GABRG3: variants seen among roughly 807,000 people sequenced by gnomAD.
The protein encoded by GABRG3 is gamma-aminobutyric acid receptor subunit gamma-3.
In GABRG3, 25 loss-of-function variants were observed where a neutral mutation model predicts 48.8. The observed-to-expected ratio is 0.51, with a 90% CI of 0.37 to 0.72. GABRG3 has a LOEUF of 0.72. Ranked by LOEUF, GABRG3 falls within the 30% of genes least tolerant of loss-of-function variation. The pLI, the probability that GABRG3 is intolerant of heterozygous loss-of-function variation, is 0.00. For synonymous variants in GABRG3, 227 were observed against 217.6 expected, an observed-to-expected ratio of 1.04 and a Z score of -0.38; for missense variants, 394 against 577.9, an observed-to-expected ratio of 0.68 and a Z score of 3.26.
intron 5 of GABRG3, among the ~76,000 whole-genome samples, chr15:27,400,329 T>G (rs1355236903): frequency 3.3e-5 from 5 of 152,244 alleles, no homozygotes; most frequent in African/African-American, 1.2e-4. Flanking sequence ...GCAAGATACC[T>G]CACATTTTGT....
intron 3 of GABRG3, among the ~76,000 whole-genome samples, chr15:27,049,662 T>G (rs531632916): frequency 3.7e-4 from 57 of 152,216 alleles, no homozygotes; most frequent in Non-Finnish European, 7.3e-4. Flanking sequence ...TAAAAACACC[T>G]ATCAAATATA....
rs1374716290 is a variant in GABRG3 at position 27,495,589 on chromosome 15, TCTC to T, written c.712+14806_712+14808del. Among the ~76,000 whole-genome samples, 2 of 152,228 alleles carry T rather than the reference TCTC, an allele frequency of 1.3e-5. 1 individual carries two copies. The highest frequency in any genetic ancestry group is 2.9e-5 in the Non-Finnish European group (2 of 68,034). On this transcript the variant is annotated intron_variant, in intron 6 of 9. Transcript: ENST00000615808. ...TCTGTTGTATAATTCTTTCCACTGA[TCTC>T]CTCTGTGTTCTGAGGAGAACACAAT...
At chr15:27,320,931 C>T (rs1433583026) in intron 3 of GABRG3, among the ~76,000 whole-genome samples, 2 of 152,178 alleles carry the variant, frequency 1.3e-5, no homozygotes, top group Non-Finnish European at 2.9e-5. Context: ...ACTGACATGG[C>T]CTCCTCAGGG....
At chr15:27,138,374 A>ATT (rs1455557737) in intron 3 of GABRG3, among the ~76,000 whole-genome samples, 6 of 152,200 alleles carry the variant, frequency 3.9e-5, no homozygotes, top group African/African-American at 1.4e-4. Flanking sequence ...CTGTACTATA[A>ATT]TATATAGCCC....
intron 3 of GABRG3, among the ~76,000 whole-genome samples, chr15:27,125,417 G>A (rs1897803504): frequency 6.6e-6 from 1 of 152,178 alleles, no homozygotes; most frequent in South Asian, 2.1e-4. Context: ...ATAGGAATGA[G>A]TGCTGCAGGG....
intron 5 of GABRG3, among the ~76,000 whole-genome samples, chr15:27,479,022 G>T (rs1890030476): frequency 6.6e-6 from 1 of 152,084 alleles, no homozygotes; most frequent in African/African-American, 2.4e-5. Context: ...GCAGGAAAGG[G>T]GGGAAAAGGG....
chr15:27,529,731 G>C (rs911497415), intron 9 of GABRG3, among the ~76,000 whole-genome samples: 1 of 152,032 alleles, frequency 6.6e-6, no homozygotes, highest in East Asian at 1.9e-4. Flanking sequence ...AGAGGGGAGA[G>C]GGGAAGGGTG....
chr15:27,350,379 T>A, intron 5 of GABRG3: 1 of 317,414 alleles, frequency 3.2e-6, no homozygotes, highest in Non-Finnish European at 6.3e-6. Flanking sequence ...AACCATTGAA[T>A]TAAAAGTTCA....
At chr15:27,278,353 G>C (rs897723490) in intron 3 of GABRG3, among the ~76,000 whole-genome samples, 4 of 151,978 alleles carry the variant, frequency 2.6e-5, no homozygotes, top group African/African-American at 7.2e-5. Context: ...CCTGGCCTCG[G>C]TGCATTTTTA....
chr15:27,415,983 C>T (rs919274434), intron 5 of GABRG3, among the ~76,000 whole-genome samples: 1 of 152,180 alleles, frequency 6.6e-6, no homozygotes, highest in African/African-American at 2.4e-5. Context: ...CATACCCCCC[C>T]TCTTTCTAGC....
chr15:27,253,469 A>C (rs1345837694), intron 3 of GABRG3, among the ~76,000 whole-genome samples: 15 of 152,154 alleles, frequency 9.9e-5, no homozygotes, highest in Admixed American at 9.8e-4. Context: ...TGGCTTTGAG[A>C]ATCTGACTGC....
intron 3 of GABRG3, among the ~76,000 whole-genome samples, chr15:27,219,581 C>T (rs1363972896): frequency 6.6e-6 from 1 of 152,172 alleles, no homozygotes; most frequent in Non-Finnish European, 1.5e-5. Flanking sequence ...ACCCCTCTGT[C>T]CACACCCTCC....
chr15:27,109,916 TAAA>T (rs34429305), intron 3 of GABRG3, among the ~76,000 whole-genome samples: 1 of 151,956 alleles, frequency 6.6e-6, no homozygotes, highest in Non-Finnish European at 1.5e-5. Context: ...ATGGTTTTCT[TAAA>T]AACAGCATTT....
chr15:27,420,848 G>GT, intron 5 of GABRG3: 1 of 152,274 alleles, frequency 6.6e-6, no homozygotes, highest in East Asian at 1.9e-4. Context: ...AATAAAAGTA[G>GT]TGCCAAGGAA....
At chr15:27,293,823 C>A (rs967361142) in intron 3 of GABRG3, among the ~76,000 whole-genome samples, 4 of 152,162 alleles carry the variant, frequency 2.6e-5, no homozygotes, top group African/African-American at 9.7e-5. Context: ...AGGCCAGATA[C>A]TACTTTCCAT....
At chr15:27,398,497 G>T (rs960639460) in intron 5 of GABRG3, among the ~76,000 whole-genome samples, 2 of 152,086 alleles carry the variant, frequency 1.3e-5, no homozygotes, top group African/African-American at 4.8e-5. Flanking sequence ...GTCCTTTGAA[G>T]AAAATATTAA....
chr15:27,305,056 T>C (rs773190324), intron 3 of GABRG3, among the ~76,000 whole-genome samples: 6 of 151,932 alleles, frequency 3.9e-5, no homozygotes, highest in Non-Finnish European at 8.8e-5. Flanking sequence ...TATGAGAATT[T>C]TATAGTACTA....
At chr15:27,462,335 G>A (rs1172891491) in intron 5 of GABRG3, among the ~76,000 whole-genome samples, 1 of 152,144 alleles carries the variant, frequency 6.6e-6, no homozygotes, top group South Asian at 2.1e-4. Context: ...TTAGAAATGT[G>A]CCAGGAACTG....
At chr15:27,209,330 C>CTTTT (rs1267580885) in intron 3 of GABRG3, among the ~76,000 whole-genome samples, 211 of 141,836 alleles carry the variant, frequency 1.5e-3, no homozygotes, top group Middle Eastern at 3.5e-3. Context: ...GGGAAATGCT[C>CTTTT]TTTCTTTCTT....
Sources: gnomAD v4.1 joint callset for allele counts (sites outside exome capture counted in the v4.1 genomes callset) on GRCh38, gnomAD v4.1.1 for gene constraint, MANE v1.5 for transcripts, NCBI Gene and HGNC (gene_info 2026-07-23, HGNC 2026-07-21) for gene names.